RNF38: variants seen among roughly 807,000 people sequenced by gnomAD.
RNF38 encodes E3 ubiquitin-protein ligase RNF38.
RNF38 carries 15 observed loss-of-function variants against 67.2 expected under a neutral mutation model. The observed-to-expected ratio is 0.22, with a 90% CI of 0.15 to 0.34. RNF38 has a LOEUF of 0.34. Among genes scored for constraint, RNF38 ranks in the 10% least tolerant of loss-of-function variants. The pLI is 1.00. For synonymous variants in RNF38, 220 were observed against 218.8 expected (o/e 1.01, Z -0.05); for missense variants, 524 against 639.9 (o/e 0.82, Z 1.95).
At chr9:36,385,485 T>C (rs1395675683) in intron 2 of RNF38, among the ~76,000 whole-genome samples, 2 of 151,996 alleles carry the variant, frequency 1.3e-5, no homozygotes, top group Non-Finnish European at 2.9e-5. Context: ...TTCAAGTGAT[T>C]CTCCTGCCTC....
rs146458037 is a variant in RNF38, at chr9:36,395,429, G to A, written c.12+4668C>T. On this transcript the variant is annotated intron_variant, in intron 1 of 11. Transcript: ENST00000259605. ...TTCTACAAAATAAGGTGTTCACGAA[G>A]GCCCACAAAGCATTCTTCAGCATAC... Among the ~76,000 whole-genome samples, 819 of 151,910 alleles carry A rather than the reference G, an allele frequency of 5.4e-3. 6 individuals are homozygous for A. The highest frequency in any genetic ancestry group is 0.034 in the Middle Eastern group (10 of 294).
rs538918166 is a variant in RNF38 at position 36,455,846 on chromosome 9, G to T, written n.242-31163C>A. The stretch of plus-strand genomic sequence containing the variant: ...GAATCGCTTGAATCTGGGGGGCGGA[G>T]GTTGCAGTGAGCCGAGACCACACCA... On this transcript the variant is annotated intron_variant and non_coding_transcript_variant, in intron 1 of 3. Transcript: ENST00000488058. Among the ~76,000 whole-genome samples, 16 of 151,560 alleles carry T rather than the reference G, an allele frequency of 1.1e-4. 1 individual carries two copies. The East Asian group carries it at 3.1e-3, about 29-fold the overall frequency.
chr9:36,453,139 T>G (rs1237455839), intron 1 of RNF38, among the ~76,000 whole-genome samples: 1 of 152,174 alleles, frequency 6.6e-6, no homozygotes, highest in Non-Finnish European at 1.5e-5. Context: ...TTCCAATTTC[T>G]CCACATCCTT....
intron 2 of RNF38, among the ~76,000 whole-genome samples, chr9:36,384,817 C>T (rs1235053765): frequency 1.3e-5 from 2 of 152,090 alleles, no homozygotes; most frequent in Admixed American, 6.5e-5. Context: ...TATTTTAGTT[C>T]AAGGTGGGTC....
chr9:36,481,629 C>A (rs996496032), intron 1 of RNF38, among the ~76,000 whole-genome samples: 3 of 152,276 alleles, frequency 2.0e-5, no homozygotes, highest in Non-Finnish European at 4.4e-5. Context: ...TCCCACCACC[C>A]TCAATCATGT....
intron 1 of RNF38, among the ~76,000 whole-genome samples, chr9:36,439,865 A>G (rs558031852): frequency 6.6e-6 from 1 of 152,168 alleles, no homozygotes; most frequent in African/African-American, 2.4e-5. Context: ...AATCACCACA[A>G]ATTTGTCTGG....
At chr9:36,400,947 G>T (rs1337312220), upstream of RNF38, 1 of 981,022 alleles carries the variant, frequency 1.0e-6, no homozygotes, top group South Asian at 4.6e-5. Context: ...CCGCCTCGGC[G>T]ATCACAGACC....
At position 36,407,655 on chromosome 9, in the gene RNF38, T is replaced by C. The variant is rs76713308; in HGVS notation, n.312+16958A>G. On this transcript the variant is annotated intron_variant and non_coding_transcript_variant, in intron 2 of 3. Coordinates refer to the RNF38 transcript ENST00000488058. Reference sequence around the variant, plus strand: ...CAGGCCTCCACTAGATGGCCTGCTGTAACCTATACTCTTTGAAGCCACACT... The same window carrying C: ...CAGGCCTCCACTAGATGGCCTGCTGCAACCTATACTCTTTGAAGCCACACT... Among the ~76,000 whole-genome samples, 627 of 152,322 alleles carry C rather than the reference T, an allele frequency of 4.1e-3. 2 individuals are homozygous for C. The highest frequency in any genetic ancestry group is 5.2e-3 in the Non-Finnish European group (356 of 68,026).
intron 3 of RNF38, among the ~76,000 whole-genome samples, chr9:36,375,560 A>G (rs1375918013): frequency 6.6e-6 from 1 of 152,228 alleles, no homozygotes; most frequent in African/African-American, 2.4e-5. Flanking sequence ...AGGAAAAGGA[A>G]TGGAGTAGAA....
intron 1 of RNF38, among the ~76,000 whole-genome samples, chr9:36,426,027 T>C (rs1183270328): frequency 1.3e-5 from 2 of 152,142 alleles, no homozygotes; most frequent in Non-Finnish European, 2.9e-5. Context: ...TTATTAATGT[T>C]GGGAAGATGT....
intron 1 of RNF38, among the ~76,000 whole-genome samples, chr9:36,441,934 A>C (rs1000311282): frequency 2.0e-5 from 3 of 152,220 alleles, no homozygotes; most frequent in Non-Finnish European, 4.4e-5. Context: ...TACAGTGAAC[A>C]TCAGATTATA....
chr9:36,389,051 A>T (rs1369987761), intron 2 of RNF38, among the ~76,000 whole-genome samples: 1 of 152,150 alleles, frequency 6.6e-6, no homozygotes, highest in Non-Finnish European at 1.5e-5. Context: ...GTGGTAGGGC[A>T]GTTTCTGGGC....
At chr9:36,415,458 G>A (rs72731466) in intron 2 of RNF38, among the ~76,000 whole-genome samples, 11 of 152,040 alleles carry the variant, frequency 7.2e-5, no homozygotes, top group Non-Finnish European at 1.2e-4. Context: ...TAATGTCAGA[G>A]GAAAGATCTG....
chr9:36,421,653 A>G (rs942747212), intron 2 of RNF38, among the ~76,000 whole-genome samples: 1 of 152,152 alleles, frequency 6.6e-6, no homozygotes, highest in Non-Finnish European at 1.5e-5. Flanking sequence ...GTAAGAGCGA[A>G]ACTCTGTCTG....
At chr9:36,363,387 C>T (rs1834711404) in intron 4 of RNF38, among the ~76,000 whole-genome samples, 1 of 100,722 alleles carries the variant, frequency 9.9e-6, no homozygotes. Flanking sequence ...GTATGTTTGA[C>T]ATGATTAGAA....
intron 1 of RNF38, among the ~76,000 whole-genome samples, chr9:36,481,164 G>A (rs975528228): frequency 4.6e-5 from 7 of 151,878 alleles, no homozygotes; most frequent in Non-Finnish European, 1.0e-4. Context: ...ACACGTGCGT[G>A]CCACCACGCC....
chr9:36,397,081 G>GTGTATA (rs147500340), intron 1 of RNF38, among the ~76,000 whole-genome samples: 13,706 of 141,416 alleles, frequency 0.097, 744 homozygotes, highest in South Asian at 0.17. Flanking sequence ...ATGTGTGTGT[G>GTGTATA]TATATATATA....
chr9:36,418,982 C>G (rs971529993), intron 2 of RNF38, among the ~76,000 whole-genome samples: 7 of 151,900 alleles, frequency 4.6e-5, no homozygotes, highest in Non-Finnish European at 7.4e-5. Flanking sequence ...CAAATAAATA[C>G]TAAAAAGTAA....
intron 4 of RNF38, among the ~76,000 whole-genome samples, chr9:36,362,208 A>G (rs1834596718): frequency 6.6e-6 from 1 of 151,858 alleles, no homozygotes; most frequent in Admixed American, 6.6e-5. Context: ...AATACAAACA[A>G]TTAGCTGGGC....
Sources: allele counts gnomAD v4.1 joint callset (sites outside exome capture counted in the v4.1 genomes callset), GRCh38; gene constraint gnomAD v4.1.1; transcripts MANE v1.5; gene names NCBI Gene and HGNC (gene_info 2026-07-23, HGNC 2026-07-21).